Variants in SGCZ observed in about 807,000 individuals in gnomAD.
SGCZ encodes sarcoglycan zeta, also known as zeta-sarcoglycan.
Under a neutral mutation model 41.3 loss-of-function variants are expected in SGCZ, and 40 were observed. The ratio of observed to expected loss-of-function variants is 0.97; its 90% CI spans 0.75 to 1.26. The LOEUF (loss-of-function observed/expected upper bound fraction) is 1.26. SGCZ is among the 50% of genes most tolerant of loss of function. The probability of loss-of-function intolerance (pLI) is 0.00; values close to 1 mark genes in which losing one functional copy is unlikely to be tolerated. For synonymous variants in SGCZ, 206 were observed against 137.5 expected, an observed-to-expected ratio of 1.50 and a Z score of -3.49; for missense variants, 552 against 369.8, an observed-to-expected ratio of 1.49 and a Z score of -4.04.
intron 1 of SGCZ, among the ~76,000 whole-genome samples, chr8:15,094,520 G>A (rs1192666776): frequency 6.6e-6 from 1 of 152,178 alleles, no homozygotes; most frequent in South Asian, 2.1e-4. Flanking sequence ...TTCATGTGAT[G>A]AGAGCAGAAA....
intron 1 of SGCZ, among the ~76,000 whole-genome samples, chr8:14,594,142 T>C (rs960334454): frequency 6.6e-6 from 1 of 151,010 alleles, no homozygotes; most frequent in Admixed American, 6.6e-5. Context: ...GCTATTGCAC[T>C]CCAGCCTGGG....
At chr8:15,079,623 A>C (rs116661658) in intron 1 of SGCZ, among the ~76,000 whole-genome samples, 231 of 152,234 alleles carry the variant, frequency 1.5e-3, no homozygotes, top group African/African-American at 5.3e-3. Flanking sequence ...GTAGATTCAA[A>C]CCTTCTATTT....
At chr8:14,093,526 C>G (rs183647937) in intron 7 of SGCZ, among the ~76,000 whole-genome samples, 23 of 152,186 alleles carry the variant, frequency 1.5e-4, no homozygotes, top group African/African-American at 4.8e-4. Flanking sequence ...ACTATGGCCT[C>G]ATAGTATTTT....
intron 1 of SGCZ, among the ~76,000 whole-genome samples, chr8:14,993,137 G>A (rs1251880417): frequency 1.3e-5 from 2 of 152,060 alleles, no homozygotes; most frequent in Non-Finnish European, 2.9e-5. Context: ...AATAGCTCTT[G>A]AATCCACCTT....
At chr8:14,471,744 G>C (rs1801218492) in intron 2 of SGCZ, among the ~76,000 whole-genome samples, 1 of 151,950 alleles carries the variant, frequency 6.6e-6, no homozygotes, top group Non-Finnish European at 1.5e-5. Flanking sequence ...CCATTTAACA[G>C]CACTGAATTT....
At chr8:14,513,214 C>G (rs12681441) in intron 2 of SGCZ, among the ~76,000 whole-genome samples, 5,621 of 151,846 alleles carry the variant, frequency 0.037, 126 homozygotes, top group East Asian at 0.08. Flanking sequence ...AGCTATTTTT[C>G]TTTGTAGAGA....
chr8:14,749,511 T>C (rs567392202), intron 1 of SGCZ, among the ~76,000 whole-genome samples: 161 of 152,320 alleles, frequency 1.1e-3, no homozygotes, highest in African/African-American at 3.7e-3. Flanking sequence ...ACTATCAGGA[T>C]ACAAGTATTT....
At chr8:15,156,125 C>T (rs1374753060) in intron 1 of SGCZ, among the ~76,000 whole-genome samples, 1 of 149,648 alleles carries the variant, frequency 6.7e-6, no homozygotes, top group Non-Finnish European at 1.5e-5. Flanking sequence ...GTGATTATTT[C>T]TAGATGCCAC....
intron 1 of SGCZ, among the ~76,000 whole-genome samples, chr8:15,207,569 A>G (rs1475051591): frequency 6.6e-6 from 1 of 152,186 alleles, no homozygotes; most frequent in Non-Finnish European, 1.5e-5. Flanking sequence ...ATTTGGCACA[A>G]TGATCATTTT....
At chr8:14,916,638 T>C (rs1799446770) in intron 1 of SGCZ, among the ~76,000 whole-genome samples, 1 of 152,216 alleles carries the variant, frequency 6.6e-6, no homozygotes, top group Admixed American at 6.5e-5. Flanking sequence ...TCATATTTTG[T>C]AGTTTTATAA....
chr8:14,646,156 A>C (rs1391388465), intron 1 of SGCZ, among the ~76,000 whole-genome samples: 2 of 151,926 alleles, frequency 1.3e-5, no homozygotes, highest in Non-Finnish European at 2.9e-5. Flanking sequence ...CTGCACCCAG[A>C]TACTGAGCAC....
rs374965167 is a variant in SGCZ, at chr8:14,847,053, CAG to C, written c.40-292129_40-292128del. Among the ~76,000 whole-genome samples the C allele has an allele frequency of 3.0e-4, 45 of 149,868 alleles. 1 individual carries two copies. In the East Asian group the frequency reaches 5.2e-3, roughly 17 times the overall value. On this transcript the variant is annotated intron_variant, in intron 1 of 7. Transcript: ENST00000382080. ...TGCCACTGCACTCCAGCCTGGGTGA[CAG>C]AGCAAGACTTCATCTCTACAAGACA...
intron 2 of SGCZ, among the ~76,000 whole-genome samples, chr8:14,383,850 A>AT (rs1288421168): frequency 1.3e-5 from 2 of 152,172 alleles, no homozygotes; most frequent in African/African-American, 2.4e-5. Context: ...TTTGAGCATT[A>AT]TTTGGCAGGA....
At chr8:15,195,098 T>A (rs1800679729) in intron 1 of SGCZ, among the ~76,000 whole-genome samples, 1 of 152,132 alleles carries the variant, frequency 6.6e-6, no homozygotes, top group African/African-American at 2.4e-5. Context: ...AAGATTTAGT[T>A]TTTTCTGATG....
chr8:14,612,592 A>G (rs2117343955), intron 1 of SGCZ, among the ~76,000 whole-genome samples: 1 of 152,350 alleles, frequency 6.6e-6, no homozygotes, highest in South Asian at 2.1e-4. Flanking sequence ...CCCAAAGGCC[A>G]TAGAATTGAA....
At chr8:14,220,208 G>C (rs148815110) in intron 4 of SGCZ, among the ~76,000 whole-genome samples, 132 of 152,228 alleles carry the variant, frequency 8.7e-4, no homozygotes, top group African/African-American at 2.8e-3. Context: ...GAACTGAACT[G>C]AAAACTTCAA....
chr8:14,278,308 A>G lies in SGCZ; in HGVS notation c.337-40629T>C, dbSNP rs111611450. 6.3e-3 allele frequency among the ~76,000 whole-genome samples: 959 copies of G among 152,244 alleles called. 8 individuals are homozygous for G. Among genetic ancestry groups the G allele is most frequent in the African/African-American group, 0.022 (917 of 41,552 alleles). ...CACGTGCACATAAATAAATTTGTGT[A>G]CCTTTTTCTCCTATATGTCTGTATA... On this transcript the variant is annotated intron_variant, in intron 3 of 7. Coordinates refer to ENST00000382080, the MANE Select transcript of SGCZ (RefSeq NM_139167.4).
intron 4 of SGCZ, among the ~76,000 whole-genome samples, chr8:14,236,281 G>T (rs1175937352): frequency 6.6e-6 from 1 of 151,952 alleles, no homozygotes; most frequent in Non-Finnish European, 1.5e-5. Context: ...CTCTATAACT[G>T]CTATATCTCT....
chr8:14,978,574 T>A (rs1325389073), intron 1 of SGCZ, among the ~76,000 whole-genome samples: 2 of 151,334 alleles, frequency 1.3e-5, no homozygotes, highest in Non-Finnish European at 2.9e-5. Flanking sequence ...CTTGATCTTG[T>A]AAACCAGATT....
Sources: gnomAD v4.1 joint callset for allele counts (sites outside exome capture counted in the v4.1 genomes callset) on GRCh38, gnomAD v4.1.1 for gene constraint, MANE v1.5 for transcripts, NCBI Gene and HGNC (gene_info 2026-07-23, HGNC 2026-07-21) for gene names.